The following MIDEAS variants were observed in gnomAD, a reference collection of about 807,000 sequenced individuals.
MIDEAS encodes mitotic deacetylase associated SANT domain protein.
In MIDEAS, 26 loss-of-function variants were observed where a neutral mutation model predicts 102.7. That is an observed-to-expected ratio of 0.25 (90% confidence interval 0.19 to 0.35). MIDEAS has a LOEUF of 0.35. Ranked by LOEUF, MIDEAS falls within the 10% of genes least tolerant of loss-of-function variation. The probability of loss-of-function intolerance (pLI) is 1.00; values close to 1 mark genes in which losing one functional copy is unlikely to be tolerated. For missense variants in MIDEAS, 1,231 were observed against 1,435.6 expected (o/e 0.86, Z 2.30); for synonymous variants, 585 against 591.0 (o/e 0.99, Z 0.15).
chr14:73,759,543 G>A lies in MIDEAS; in HGVS notation c.-248+220C>T, dbSNP rs2053532060. On this transcript the variant is annotated intron_variant, in intron 1 of 12. Coordinates refer to ENST00000423556, the MANE Select transcript of MIDEAS (RefSeq NM_001367710.1). The surrounding 1 kb of genome is among the most constrained non-coding windows in gnomAD (Gnocchi z 6.7). The stretch of plus-strand genomic sequence containing the variant: ...GGCGCGGACCGCGGGGGAGGGGGCG[G>A]CGGGCTGCAGGCGGCCCCCGCACGG... Among the ~76,000 whole-genome samples the A allele has an allele frequency of 6.7e-6, 1 of 148,970 alleles. No homozygotes were observed. Among genetic ancestry groups the A allele is most frequent in the Non-Finnish European group, 1.5e-5 (1 of 66,728 alleles).
At position 73,715,352 on chromosome 14, in the gene MIDEAS, A is replaced by T. The variant is rs1467622432; in HGVS notation, c.*3491T>A. 1.3e-5 allele frequency: 2 copies of T among 152,656 alleles called. No homozygotes were observed. The highest frequency in any genetic ancestry group is 2.1e-4 in the South Asian group (1 of 4,836). The allele number at this position is 152,656 out of a possible 1,614,324, so 9.5% of individuals were successfully genotyped here. A position where few individuals can be genotyped will look rare whatever the true frequency, so the allele number is the denominator to read the frequency against. ...TATTTTAATATGTAACAGTCTTTTTAAAAAAGGATGCCACAGGCAGCAAAC... is the reference window on the plus strand; with the variant it reads ...TATTTTAATATGTAACAGTCTTTTTTAAAAAGGATGCCACAGGCAGCAAAC... On this transcript the variant is annotated 3_prime_UTR_variant, in exon 13 of 13. Transcript: ENST00000423556.
Position 73,739,872 on chromosome 14 carries a change from T to C in MIDEAS, c.137A>G (p.Tyr46Cys). 1 of 1,586,360 alleles carries C rather than the reference T, an allele frequency of 6.3e-7. No homozygotes were observed. The highest frequency in any genetic ancestry group is 8.6e-7 in the Non-Finnish European group (1 of 1,163,578). ...CCCTCCTGGACCCTCGTGCCCGAGG[T>C]ACTGCTCCTCCTTCACTCTGATGGA... The part of the protein sequence containing the change: ...QQSIRVKEEQ[Y>C]LGHEGPGGAV... Residue 46 changes from tyrosine (Y) to cysteine (C), a missense_variant, in exon 2 of 13, where the codon TAC (tyrosine) becomes TGC (cysteine). By Grantham distance (194) the Tyr-to-Cys change is radical. Coordinates refer to ENST00000423556, the MANE Select transcript of MIDEAS (RefSeq NM_001367710.1).
chr14:73,721,595 C>T, intron 10 of MIDEAS, 86 bp from the exon 11 acceptor site: 1 of 1,252,358 alleles, frequency 8.0e-7, no homozygotes, highest in Non-Finnish European at 1.2e-6. Flanking sequence ...GGGGGTTCAC[C>T]AGCCCCAGCT....
upstream of MIDEAS, among the ~76,000 whole-genome samples, chr14:73,760,980 A>C (rs1210412809): frequency 2.0e-5 from 3 of 152,150 alleles, no homozygotes; most frequent in African/African-American, 7.2e-5. The surrounding 1 kb of genome is among the most constrained non-coding windows in gnomAD (Gnocchi z 4.8). Flanking sequence ...TTTGCAGCTC[A>C]AGAGGTTGGT....
At chr14:73,767,514 T>G (rs2053602394) in intron 1 of MIDEAS, among the ~76,000 whole-genome samples, 1 of 152,124 alleles carries the variant, frequency 6.6e-6, no homozygotes, top group African/African-American at 2.4e-5. Context: ...GGTATGCACT[T>G]CTAGTCCCAG....
rs1402733365 is a variant in MIDEAS at position 73,729,766 on chromosome 14, G to A, written c.1969C>T (p.Pro657Ser). 6.2e-7 allele frequency: 1 copy of A among 1,614,062 alleles called. No homozygotes were observed. ...TCCCGCACAGGGCTGAGGATGGGGG[G>A]CGGCGTGTAGGGAGGTAGCTCAAAG... ...RSFELPPYTP[P>S]PILSPVREGS... Residue 657 changes from proline (P) to serine (S), a missense_variant, in exon 4 of 13, where the codon CCC becomes TCC. Around this residue, in one of 5 missense-constraint regions of MIDEAS, gnomAD observed 5 missense variants for 27.4 expected, o/e 0.18. Transcript: ENST00000423556.
At chr14:73,772,517 C>A (rs1002185275) in intron 1 of MIDEAS, among the ~76,000 whole-genome samples, 1 of 152,158 alleles carries the variant, frequency 6.6e-6, no homozygotes, top group Non-Finnish European at 1.5e-5. Context: ...TGACACAATA[C>A]TCACTGACTC....
chr14:73,729,313 T>G, intron 4 of MIDEAS: 1 of 249,368 alleles, frequency 4.0e-6, no homozygotes, highest in Non-Finnish European at 7.7e-6. Context: ...AATAGTTGAA[T>G]ATTGGCAGTT....
At chr14:73,748,922 C>T (rs985859415) in intron 1 of MIDEAS, among the ~76,000 whole-genome samples, 2 of 152,084 alleles carry the variant, frequency 1.3e-5, no homozygotes, top group African/African-American at 4.8e-5. Flanking sequence ...CCCCAAAATA[C>T]ATGAAGCAAA....
chr14:73,731,340 A>T (rs1383676248), intron 3 of MIDEAS, among the ~76,000 whole-genome samples: 1 of 152,194 alleles, frequency 6.6e-6, no homozygotes, highest in African/African-American at 2.4e-5. Context: ...AACACATTCC[A>T]GCAGAGGGCC....
At chr14:73,745,819 G>A (rs987589336) in intron 1 of MIDEAS, among the ~76,000 whole-genome samples, 12 of 152,216 alleles carry the variant, frequency 7.9e-5, no homozygotes, top group Admixed American at 7.2e-4. Context: ...TACAACAGAC[G>A]TGGATCTGAC....
chr14:73,739,014 T>C lies in MIDEAS; in HGVS notation c.995A>G (p.Gln332Arg). The C allele has an allele frequency of 6.5e-7, 1 of 1,540,910 alleles. No individual in the cohort carries two copies. Among genetic ancestry groups the C allele is most frequent in the South Asian group, 1.3e-5 (1 of 78,668 alleles). The change falls in exon 2 of 13, where the codon CAG becomes CGG. Residue 332 changes from glutamine (Q) to arginine (R), a missense_variant. By Grantham distance (43) the Gln-to-Arg change is conservative. Transcript: ENST00000423556. ...RKALLQDSAP[Q>R]PALPQVQIPF... ...GATCTGGACCTGAGGTAGCGCTGGC[T>C]GCGGGGCTGAGTCCTGCAGAAGGGC...
In MIDEAS at chr14:73,740,021, T is replaced by A; in HGVS notation, c.-13A>T. The A allele has an allele frequency of 6.8e-7, 1 of 1,474,674 alleles. No homozygotes were observed. Among genetic ancestry groups the A allele is most frequent in the South Asian group, 1.5e-5 (1 of 67,196 alleles). 91.3% of individuals were successfully genotyped at this position (1,474,674 alleles called of 1,614,324 possible). On this transcript the variant is annotated 5_prime_UTR_variant, in exon 2 of 13. Coordinates refer to ENST00000423556, the MANE Select transcript of MIDEAS (RefSeq NM_001367710.1). ...CCTGGAGGTTCATGATGTGGCCAAC[T>A]GAGCCCTGGCGGTGAGATCCCCTTC...
chr14:73,790,093 T>A (rs2053855271), upstream of MIDEAS: 2 of 152,242 alleles, frequency 1.3e-5, no homozygotes, highest in African/African-American at 4.8e-5. Context: ...AGTCGTGGAC[T>A]ATCTCTGATA....
chr14:73,753,398 T>C (rs925222301), intron 1 of MIDEAS, among the ~76,000 whole-genome samples: 1 of 152,090 alleles, frequency 6.6e-6, no homozygotes, highest in Admixed American at 6.5e-5. Context: ...AGCTGCAGGG[T>C]AAAAGTAGTC....
chr14:73,769,044 T>A (rs1218755317), intron 1 of MIDEAS, among the ~76,000 whole-genome samples: 1 of 152,204 alleles, frequency 6.6e-6, no homozygotes, highest in Non-Finnish European at 1.5e-5. Context: ...TCTGAGTGCG[T>A]AACTCCTGGG....
intron 1 of MIDEAS, among the ~76,000 whole-genome samples, chr14:73,779,168 C>T (rs973670257): frequency 6.6e-6 from 1 of 151,808 alleles, no homozygotes; most frequent in African/African-American, 2.4e-5. Context: ...AGGTGGAGTA[C>T]TTGAGGTTAG....
chr14:73,746,209 C>T (rs2053349640), intron 1 of MIDEAS, among the ~76,000 whole-genome samples: 1 of 152,234 alleles, frequency 6.6e-6, no homozygotes, highest in Non-Finnish European at 1.5e-5. Context: ...CAAATGCCCA[C>T]AGGGTGTCCA....
Position 73,779,570 on chromosome 14 carries a change from ATTATTT to A in MIDEAS, c.-248+7526_-248+7531del, listed in dbSNP as rs2053729587. 1.8e-4 allele frequency among the ~76,000 whole-genome samples: 11 copies of A among 60,170 alleles called. 1 individual carries two copies. The highest frequency in any genetic ancestry group is 5.6e-4 in the African/African-American group (10 of 17,844). 39.5% of individuals were successfully genotyped at this position (60,170 alleles called of 152,430 possible). A position where few individuals can be genotyped will look rare whatever the true frequency, so the allele number is the denominator to read the frequency against. ...TTTTAATTTGTTTATTATTATTATT[ATTATTT>A]TTTTTTTTTTTTGAGACGGAGTCTC... On this transcript the variant is annotated intron_variant, in intron 1 of 11. Coordinates refer to the MIDEAS transcript ENST00000394071.
Sources: gnomAD v4.1 joint callset for allele counts (sites outside exome capture counted in the v4.1 genomes callset) on GRCh38, gnomAD v4.1.1 for gene constraint, gnomAD v4.1.1 regional missense constraint, Gnocchi (gnomAD v3.1) non-coding constraint, MANE v1.5 for transcripts, NCBI Gene and HGNC (gene_info 2026-07-23, HGNC 2026-07-21) for gene names.